Variants in ZFAND3 observed in about 807,000 individuals in gnomAD.
The protein encoded by ZFAND3 is AN1-type zinc finger protein 3.
ZFAND3 carries 10 observed loss-of-function variants against 29.6 expected under a neutral mutation model. The ratio of observed to expected loss-of-function variants is 0.34; its 90% CI spans 0.21 to 0.57. The LOEUF (loss-of-function observed/expected upper bound fraction) is 0.57. Ranked by LOEUF, ZFAND3 falls within the 20% of genes least tolerant of loss-of-function variation. The pLI is 0.86. For missense variants in ZFAND3, 230 were observed against 304.5 expected (o/e 0.76, Z 1.82); for synonymous variants, 128 against 112.6 (o/e 1.14, Z -0.87).
chr6:38,089,286 C>T (rs1440923473), intron 4 of ZFAND3, among the ~76,000 whole-genome samples: 1 of 152,046 alleles, frequency 6.6e-6, no homozygotes. Flanking sequence ...TGCCACCACA[C>T]CCGGCTAATT....
chr6:38,059,193 T>G (rs61559130), intron 2 of ZFAND3, among the ~76,000 whole-genome samples: 3,140 of 152,308 alleles, frequency 0.021, 98 homozygotes, highest in African/African-American at 0.072. Flanking sequence ...GTTTTTCTCC[T>G]TATCCCTTGG....
chr6:38,004,528 G>T (rs1763009447), intron 2 of ZFAND3, among the ~76,000 whole-genome samples: 1 of 82,316 alleles, frequency 1.2e-5, no homozygotes, highest in Non-Finnish European at 2.8e-5. Context: ...AAGTGCTAAA[G>T]CTGTCTACAC....
intron 2 of ZFAND3, among the ~76,000 whole-genome samples, chr6:37,947,273 A>G (rs932304367): frequency 6.6e-6 from 1 of 152,178 alleles, no homozygotes; most frequent in Admixed American, 6.5e-5. Context: ...ATATTTCCAG[A>G]AATAAAACTG....
At chr6:37,952,376 C>T (rs1265149727) in intron 2 of ZFAND3, among the ~76,000 whole-genome samples, 1 of 151,994 alleles carries the variant, frequency 6.6e-6, no homozygotes, top group Non-Finnish European at 1.5e-5. Flanking sequence ...GATTCAATTT[C>T]GGAACTTGAT....
chr6:38,126,271 T>C (rs1220313770), intron 5 of ZFAND3, among the ~76,000 whole-genome samples: 1 of 152,252 alleles, frequency 6.6e-6, no homozygotes. Flanking sequence ...TATTTCATTG[T>C]ATGGATATAC....
intron 2 of ZFAND3, among the ~76,000 whole-genome samples, chr6:38,018,322 G>A: frequency 6.6e-6 from 1 of 152,074 alleles, no homozygotes; most frequent in East Asian, 1.9e-4. Context: ...CTATTGTTTT[G>A]TAATATATCA....
At chr6:37,992,123 CTG>C (rs1343113489) in intron 2 of ZFAND3, among the ~76,000 whole-genome samples, 2 of 152,136 alleles carry the variant, frequency 1.3e-5, no homozygotes, top group Non-Finnish European at 2.9e-5. Context: ...AGTTTGGGAA[CTG>C]TGTTGTTTCT....
intron 1 of ZFAND3, among the ~76,000 whole-genome samples, chr6:37,842,117 C>T (rs1267377764): frequency 4.6e-5 from 7 of 152,116 alleles, no homozygotes; most frequent in African/African-American, 1.7e-4. Flanking sequence ...GCCTTAATAA[C>T]TTAGTTACCT....
At chr6:38,042,097 A>G (rs1458770908) in intron 2 of ZFAND3, among the ~76,000 whole-genome samples, 1 of 151,232 alleles carries the variant, frequency 6.6e-6, no homozygotes, top group Non-Finnish European at 1.5e-5. Context: ...AGCCTCCCAA[A>G]GTGCTAGGAT....
rs560190585 is a variant in ZFAND3, at chr6:38,135,157, A to G, written c.530-17078A>G. 1.3e-3 allele frequency among the ~76,000 whole-genome samples: 203 copies of G among 152,324 alleles called. 1 individual carries two copies. Among genetic ancestry groups the G allele is most frequent in the African/African-American group, 4.7e-3 (197 of 41,572 alleles). Reference sequence around the variant, plus strand: ...CATTCCCAGAGACTCAAAAGGAACAAGCCCTGGATAAGTTGGGAATAAGCG... The same window carrying G: ...CATTCCCAGAGACTCAAAAGGAACAGGCCCTGGATAAGTTGGGAATAAGCG... On this transcript the variant is annotated intron_variant, in intron 5 of 5. Transcript: ENST00000287218.
intron 1 of ZFAND3, among the ~76,000 whole-genome samples, chr6:37,902,709 A>G (rs1030062157): frequency 2.0e-5 from 3 of 148,068 alleles, no homozygotes; most frequent in Non-Finnish European, 3.0e-5. Context: ...TTTCAGATAG[A>G]GATGCAGCAG....
chr6:37,920,873 A>G (rs1214667177), intron 1 of ZFAND3, among the ~76,000 whole-genome samples: 2 of 152,156 alleles, frequency 1.3e-5, no homozygotes, highest in Non-Finnish European at 2.9e-5. Flanking sequence ...GTGTTTGCCT[A>G]GGGTGAGTAG....
intron 4 of ZFAND3, among the ~76,000 whole-genome samples, chr6:38,109,108 G>C (rs1463232473): frequency 1.3e-5 from 2 of 151,296 alleles, no homozygotes; most frequent in East Asian, 3.9e-4. Flanking sequence ...AAAATGGAAG[G>C]CATACAGATT....
chr6:38,112,794 C>T (rs1019994047), intron 4 of ZFAND3, among the ~76,000 whole-genome samples: 5 of 152,120 alleles, frequency 3.3e-5, no homozygotes, highest in South Asian at 2.1e-4. Flanking sequence ...TTAAGCAACT[C>T]GCCCTGTGGC....
intron 1 of ZFAND3, among the ~76,000 whole-genome samples, chr6:37,896,584 CTT>C (rs1418984764): frequency 4.6e-5 from 4 of 87,630 alleles, no homozygotes; most frequent in Non-Finnish European, 9.5e-5. Context: ...CTTTCTCTCT[CTT>C]TCTCTTTTTC....
rs78670225 is a variant in ZFAND3 at position 38,035,584 on chromosome 6, A to G, written c.113-26009A>G. Among the ~76,000 whole-genome samples, 18 of 152,342 alleles carry G rather than the reference A, an allele frequency of 1.2e-4. No homozygotes were observed. The East Asian group carries it at 3.3e-3, about 28-fold the overall frequency. On this transcript the variant is annotated intron_variant, in intron 2 of 5. Transcript: ENST00000287218. Reference sequence around the variant, plus strand: ...AGTAAACTTAGGTTGCTTAATTAGCATATGGGAGATCCTCATTAATGTAAT... The same window carrying G: ...AGTAAACTTAGGTTGCTTAATTAGCGTATGGGAGATCCTCATTAATGTAAT...
intron 2 of ZFAND3, among the ~76,000 whole-genome samples, chr6:38,047,916 A>G (rs1763935576): frequency 6.6e-6 from 1 of 150,976 alleles, no homozygotes; most frequent in African/African-American, 2.5e-5. Context: ...GCTGACTGAT[A>G]ATAAGAACCG....
chr6:37,921,124 C>T (rs908652689), intron 1 of ZFAND3, among the ~76,000 whole-genome samples: 4 of 152,104 alleles, frequency 2.6e-5, no homozygotes, highest in Non-Finnish European at 4.4e-5. Flanking sequence ...CTTACCCATC[C>T]CTCCCCTTTC....
At chr6:37,825,251 C>T (rs1260892956) in intron 1 of ZFAND3, among the ~76,000 whole-genome samples, 1 of 152,200 alleles carries the variant, frequency 6.6e-6, no homozygotes, top group Non-Finnish European at 1.5e-5. Context: ...GTATGAATTA[C>T]TAATCAGTAG....
Sources: allele counts gnomAD v4.1 joint callset (sites outside exome capture counted in the v4.1 genomes callset), GRCh38; gene constraint gnomAD v4.1.1; transcripts MANE v1.5; gene names NCBI Gene and HGNC (gene_info 2026-07-23, HGNC 2026-07-21).